The following METTL15 variants were observed in gnomAD, a reference collection of about 807,000 sequenced individuals.
The protein encoded by METTL15 is 12S rRNA N(4)-cytidine methyltransferase METTL15.
A neutral mutation model predicts 38.3 loss-of-function variants in METTL15; 34 were observed. The observed-to-expected ratio is 0.89, with a 90% CI of 0.68 to 1.18. METTL15 has a LOEUF of 1.18. Among genes scored for constraint, METTL15 ranks in the 50% most tolerant of loss-of-function variants. METTL15 has a pLI of 0.00. For missense variants in METTL15, 438 were observed against 498.4 expected (o/e 0.88, Z 1.15); for synonymous variants, 162 against 170.9 (o/e 0.95, Z 0.41).
rs551739591 is a variant in METTL15 at position 28,142,453 on chromosome 11, T to C, written c.270+28849T>C. On this transcript the variant is annotated intron_variant, in intron 3 of 6. Transcript: ENST00000407364. ...TTGCTGCCTGGCCTATTTTGGAAAT[T>C]TGGCTATTATTTTTCTCTCCTGATT... Among the ~76,000 whole-genome samples the C allele has an allele frequency of 2.0e-5, 3 of 152,344 alleles. No individual in the cohort carries two copies. The South Asian group carries it at 6.2e-4, about 32-fold the overall frequency.
Position 28,332,168 on chromosome 11 carries a change from A to G in METTL15, c.*1327A>G, listed in dbSNP as rs554980617. On this transcript the variant is annotated 3_prime_UTR_variant, in exon 7 of 7. Coordinates refer to ENST00000407364, the MANE Select transcript of METTL15 (RefSeq NM_001113528.2). Reference sequence around the variant, plus strand: ...ACTTTAGTACCCAGGCTTGTTCACTACTTCTGCTTTACAGGCTTTATTTAA... The same window carrying G: ...ACTTTAGTACCCAGGCTTGTTCACTGCTTCTGCTTTACAGGCTTTATTTAA... 4.6e-5 allele frequency: 7 copies of G among 152,316 alleles called. No individual in the cohort carries two copies. Among genetic ancestry groups the G allele is most frequent in the African/African-American group, 1.7e-4 (7 of 41,582 alleles). The allele number at this position is 152,316 out of a possible 1,614,324, so 9.4% of individuals were successfully genotyped here. A position where few individuals can be genotyped will look rare whatever the true frequency, so the allele number is the denominator to read the frequency against.
At chr11:28,476,056 G>A (rs754584635) in intron 6 of METTL15, among the ~76,000 whole-genome samples, 7 of 152,114 alleles carry the variant, frequency 4.6e-5, no homozygotes, top group East Asian at 3.9e-4. Flanking sequence ...GTTTGCTTCC[G>A]CAGAACCAGG....
At chr11:28,373,832 C>T (rs988494941) in intron 5 of METTL15, among the ~76,000 whole-genome samples, 5 of 151,846 alleles carry the variant, frequency 3.3e-5, no homozygotes, top group African/African-American at 9.7e-5. Flanking sequence ...CATCTTGAAT[C>T]GATTTTTGTA....
chr11:28,221,893 T>G (rs1853243161), intron 4 of METTL15, among the ~76,000 whole-genome samples: 1 of 152,182 alleles, frequency 6.6e-6, no homozygotes, highest in Non-Finnish European at 1.5e-5. Flanking sequence ...CAAATGTTGC[T>G]GCCTGATCGT....
At chr11:28,461,480 G>T (rs556791989) in intron 6 of METTL15, among the ~76,000 whole-genome samples, 1 of 152,066 alleles carries the variant, frequency 6.6e-6, no homozygotes, top group East Asian at 1.9e-4. Flanking sequence ...CTTCCACATG[G>T]TCTCAAGAGA....
chr11:28,253,274 C>T (rs1246453560), intron 4 of METTL15, among the ~76,000 whole-genome samples: 1 of 152,146 alleles, frequency 6.6e-6, no homozygotes, highest in East Asian at 1.9e-4. Context: ...CACCCAGTTG[C>T]TTAGGCCAAG....
intron 4 of METTL15, among the ~76,000 whole-genome samples, chr11:28,271,359 T>C (rs968070970): frequency 6.6e-6 from 1 of 152,226 alleles, no homozygotes; most frequent in East Asian, 1.9e-4. Flanking sequence ...AGTTAAGATA[T>C]GTGGTCCCTC....
chr11:28,277,080 A>G (rs1230803273), intron 4 of METTL15, among the ~76,000 whole-genome samples: 1 of 152,226 alleles, frequency 6.6e-6, no homozygotes, highest in Non-Finnish European at 1.5e-5. Context: ...GCTTCTGCAT[A>G]GCAAAAGAAA....
rs564919228 is a variant in METTL15, at chr11:28,374,220, A to T, written c.*358+12184A>T. 1.2e-4 allele frequency among the ~76,000 whole-genome samples: 19 copies of T among 152,212 alleles called. No individual in the cohort carries two copies. In the South Asian group the frequency reaches 3.9e-3, roughly 32 times the overall value. On this transcript the variant is annotated intron_variant and NMD_transcript_variant, in intron 5 of 7. Transcript: ENST00000532947. ...TGTGAAGAAAGTCATTGGTAGCTTG[A>T]TGGGGATGGCATTGAATCTGTAAAT...
chr11:28,503,633 A>G (rs1851602378), intron 6 of METTL15, among the ~76,000 whole-genome samples: 1 of 151,842 alleles, frequency 6.6e-6, no homozygotes, highest in East Asian at 2.0e-4. Context: ...TCTACTAAAA[A>G]TATAAAAATT....
chr11:28,328,588 G>C (rs1236267038), intron 6 of METTL15, among the ~76,000 whole-genome samples: 1 of 151,966 alleles, frequency 6.6e-6, no homozygotes, highest in East Asian at 1.9e-4. Flanking sequence ...ACTTCTCTAT[G>C]GGATAATACT....
At chr11:28,397,152 A>G (rs955152688) in intron 5 of METTL15, among the ~76,000 whole-genome samples, 19 of 152,124 alleles carry the variant, frequency 1.2e-4, no homozygotes, top group Admixed American at 1.2e-3. Flanking sequence ...AAGAAAACCT[A>G]GGCAATACCA....
chr11:28,408,412 A>T (rs1028308805), intron 5 of METTL15, among the ~76,000 whole-genome samples: 20 of 152,184 alleles, frequency 1.3e-4, no homozygotes, highest in African/African-American at 4.3e-4. Context: ...TTTCTCTCTC[A>T]GTTATACTGG....
intron 3 of METTL15, among the ~76,000 whole-genome samples, chr11:28,344,203 G>A (rs2133356573): frequency 6.6e-6 from 1 of 152,200 alleles, no homozygotes; most frequent in East Asian, 1.9e-4. Flanking sequence ...GGATGACCAA[G>A]CACCATTTAG....
At chr11:28,506,833 C>T (rs1195111949) in intron 6 of METTL15, among the ~76,000 whole-genome samples, 1 of 150,166 alleles carries the variant, frequency 6.7e-6, no homozygotes, top group Non-Finnish European at 1.5e-5. Flanking sequence ...CAACCTCTGC[C>T]TCCTGGGCTT....
At chr11:28,265,795 G>C (rs35697240) in intron 4 of METTL15, among the ~76,000 whole-genome samples, 37,703 of 152,046 alleles carry the variant, frequency 0.25, 4,928 homozygotes, top group African/African-American at 0.29. Flanking sequence ...ATAGATACTG[G>C]ATGTCTATAG....
At chr11:28,510,617 T>A (rs1283655474) in intron 6 of METTL15, among the ~76,000 whole-genome samples, 1 of 152,166 alleles carries the variant, frequency 6.6e-6, no homozygotes, top group Admixed American at 6.5e-5. Flanking sequence ...GAAGTATATG[T>A]TATTATTATT....
chr11:28,504,386 A>T (rs1851610388), intron 6 of METTL15, among the ~76,000 whole-genome samples: 1 of 152,188 alleles, frequency 6.6e-6, no homozygotes, highest in South Asian at 2.1e-4. Context: ...TCATTTTAAG[A>T]TAATTGTTGC....
downstream of METTL15, among the ~76,000 whole-genome samples, chr11:28,531,813 C>T (rs1234521372): frequency 6.6e-6 from 1 of 151,874 alleles, no homozygotes; most frequent in East Asian, 1.9e-4. Flanking sequence ...AAATAACAAA[C>T]AGCAATAGAT....
Sources: gnomAD v4.1 joint callset for allele counts (sites outside exome capture counted in the v4.1 genomes callset) on GRCh38, gnomAD v4.1.1 for gene constraint, MANE v1.5 for transcripts, NCBI Gene and HGNC (gene_info 2026-07-23, HGNC 2026-07-21) for gene names.